ARHGAP24: variants seen among roughly 807,000 people sequenced by gnomAD.
ARHGAP24 encodes the protein rho GTPase-activating protein 24.
Under a neutral mutation model 76.4 loss-of-function variants are expected in ARHGAP24, and 50 were observed. The ratio of observed to expected loss-of-function variants is 0.65; its 90% CI spans 0.52 to 0.83. ARHGAP24 has a LOEUF of 0.83. Among genes scored for constraint, ARHGAP24 ranks in the 40% least tolerant of loss-of-function variants. The pLI is 0.00. For synonymous variants in ARHGAP24, 345 were observed against 323.3 expected, an observed-to-expected ratio of 1.07 and a Z score of -0.72; for missense variants, 930 against 914.2, an observed-to-expected ratio of 1.02 and a Z score of -0.22.
At chr4:85,875,494 A>ATATATAATATATATTATAATATTATATTG (rs1560689068) in intron 3 of ARHGAP24, among the ~76,000 whole-genome samples, 14 of 91,154 alleles carry the variant, frequency 1.5e-4, no homozygotes, top group East Asian at 5.8e-4. Flanking sequence ...ATATTATATT[A>ATATATAATATATATTATAATATTATATTG]TATATAATAT....
At chr4:85,492,707 TTAAC>T (rs1448601835) in intron 1 of ARHGAP24, among the ~76,000 whole-genome samples, 3 of 152,234 alleles carry the variant, frequency 2.0e-5, no homozygotes, top group African/African-American at 7.2e-5. Context: ...TTTTATTTTT[TTAAC>T]TTTTTATTTC....
At chr4:85,733,772 G>A (rs1351373819) in intron 3 of ARHGAP24, among the ~76,000 whole-genome samples, 2 of 151,972 alleles carry the variant, frequency 1.3e-5, no homozygotes, top group Non-Finnish European at 2.9e-5. Context: ...CTTCTTATAA[G>A]GACATCAGTT....
At chr4:85,517,089 G>A (rs1299564377) in intron 1 of ARHGAP24, among the ~76,000 whole-genome samples, 5 of 152,002 alleles carry the variant, frequency 3.3e-5, no homozygotes, top group Non-Finnish European at 5.9e-5. Context: ...ACAGCACTTG[G>A]TCCATTTCGG....
intron 3 of ARHGAP24, among the ~76,000 whole-genome samples, chr4:85,865,865 A>G (rs1390008124): frequency 1.3e-5 from 2 of 152,012 alleles, no homozygotes; most frequent in Non-Finnish European, 2.9e-5. Context: ...TCTACAACGT[A>G]TTCCCTGTAT....
intron 2 of ARHGAP24, among the ~76,000 whole-genome samples, chr4:85,700,394 T>TAAAAAAAAAAA (rs139515906): frequency 2.8e-5 from 2 of 71,504 alleles, no homozygotes; most frequent in African/African-American, 7.0e-5. Context: ...AGATTCTGTC[T>TAAAAAAAAAAA]AAAAAAAAAA....
chr4:85,787,440 C>T (rs183040187), intron 3 of ARHGAP24, among the ~76,000 whole-genome samples: 31 of 152,140 alleles, frequency 2.0e-4, no homozygotes, highest in Admixed American at 1.0e-3. Flanking sequence ...GATGTTAGCT[C>T]GTGGTCTACC....
chr4:85,822,021 G>A (rs1193776790), intron 3 of ARHGAP24, among the ~76,000 whole-genome samples: 1 of 152,146 alleles, frequency 6.6e-6, no homozygotes, highest in African/African-American at 2.4e-5. Flanking sequence ...TATCTGAGGA[G>A]CATAGTGAAC....
At chr4:85,849,474 C>G (rs540172083) in intron 3 of ARHGAP24, among the ~76,000 whole-genome samples, 1 of 152,212 alleles carries the variant, frequency 6.6e-6, no homozygotes, top group Admixed American at 6.5e-5. Flanking sequence ...GCCAGAACTT[C>G]CAACACTATT....
At chr4:85,710,761 C>G (rs995066507) in intron 2 of ARHGAP24, among the ~76,000 whole-genome samples, 3 of 152,080 alleles carry the variant, frequency 2.0e-5, no homozygotes, top group African/African-American at 7.2e-5. Context: ...CACAATGGGA[C>G]ACCGTCTCAT....
chr4:85,756,134 A>G (rs1181308328), intron 3 of ARHGAP24, among the ~76,000 whole-genome samples: 3 of 152,202 alleles, frequency 2.0e-5, no homozygotes, highest in Non-Finnish European at 2.9e-5. Context: ...CAATACGTTG[A>G]GGATACATAT....
At chr4:85,808,407 T>G (rs1230361014) in intron 3 of ARHGAP24, among the ~76,000 whole-genome samples, 1 of 152,240 alleles carries the variant, frequency 6.6e-6, no homozygotes, top group African/African-American at 2.4e-5. Context: ...TTGTAAATCC[T>G]TCATTTATTT....
At chr4:85,867,575 G>T (rs1732265456) in intron 3 of ARHGAP24, among the ~76,000 whole-genome samples, 2 of 151,742 alleles carry the variant, frequency 1.3e-5, no homozygotes, top group African/African-American at 4.8e-5. Flanking sequence ...AGCACAAATT[G>T]TTTGGCTTGC....
At chr4:85,638,361 C>T (rs1171161593) in intron 2 of ARHGAP24, among the ~76,000 whole-genome samples, 2 of 152,080 alleles carry the variant, frequency 1.3e-5, no homozygotes, top group African/African-American at 4.8e-5. Flanking sequence ...AGAGACAAGC[C>T]TTTTGCAATT....
intron 1 of ARHGAP24, among the ~76,000 whole-genome samples, chr4:85,529,444 C>A (rs1725163998): frequency 6.6e-6 from 1 of 151,998 alleles, no homozygotes; most frequent in South Asian, 2.1e-4. Context: ...GTCGGAGAAC[C>A]TACTGAAGTT....
intron 2 of ARHGAP24, chr4:85,604,153 A>G (rs1720118489): frequency 6.6e-6 from 1 of 152,192 alleles, no homozygotes; most frequent in Admixed American, 6.5e-5. Flanking sequence ...ACAGGCTTAG[A>G]TAACTCATTA....
chr4:85,666,576 T>C (rs1009769038), intron 2 of ARHGAP24, among the ~76,000 whole-genome samples: 1 of 152,190 alleles, frequency 6.6e-6, no homozygotes, highest in Non-Finnish European at 1.5e-5. Flanking sequence ...GCACTCTGCT[T>C]GTTAGAGTTT....
At chr4:85,889,134 T>C (rs6817562) in intron 3 of ARHGAP24, among the ~76,000 whole-genome samples, 2 of 152,074 alleles carry the variant, frequency 1.3e-5, no homozygotes, top group Admixed American at 1.3e-4. Flanking sequence ...TTATTGGGTA[T>C]TTGTTTCAAG....
At chr4:85,809,014 T>G (rs540697020) in intron 3 of ARHGAP24, among the ~76,000 whole-genome samples, 1 of 152,268 alleles carries the variant, frequency 6.6e-6, no homozygotes, top group East Asian at 1.9e-4. Context: ...TCATCCAATT[T>G]AAAGTAAGTA....
intron 3 of ARHGAP24, among the ~76,000 whole-genome samples, chr4:85,906,667 GAAAT>G (rs1734783581): frequency 6.6e-6 from 1 of 152,044 alleles, no homozygotes; most frequent in African/African-American, 2.4e-5. Context: ...ATATTTCACA[GAAAT>G]AAATAGTGGA....
Sources: gnomAD v4.1 joint callset for allele counts (sites outside exome capture counted in the v4.1 genomes callset) on GRCh38, gnomAD v4.1.1 for gene constraint, MANE v1.5 for transcripts, NCBI Gene and HGNC (gene_info 2026-07-23, HGNC 2026-07-21) for gene names.